The following TENM1 variants were observed in gnomAD, a reference collection of about 807,000 sequenced individuals.
The protein encoded by TENM1 is teneurin transmembrane protein 1.
A neutral mutation model predicts 174.8 loss-of-function variants in TENM1; 35 were observed. That is an observed-to-expected ratio of 0.20 (90% confidence interval 0.15 to 0.27). The LOEUF (loss-of-function observed/expected upper bound fraction) is 0.27. TENM1 is among the 10% of genes least tolerant of loss of function. The pLI is 1.00. For missense variants in TENM1, 1,633 were observed against 2,130.1 expected (o/e 0.77, Z 4.59); for synonymous variants, 781 against 798.7 (o/e 0.98, Z 0.37).
the TENM1 span, among the ~76,000 whole-genome samples, chrX:125,130,626 T>C: frequency 9.2e-6 from 1 of 108,722 alleles, no homozygotes; most frequent in Non-Finnish European, 1.9e-5. Flanking sequence ...TTTTAAAAGA[T>C]AATTTTAAAT....
chrX:124,722,250 G>C (rs1016188008), intron 4 of TENM1, among the ~76,000 whole-genome samples: 4 of 112,222 alleles, frequency 3.6e-5, no homozygotes, highest in Admixed American at 9.4e-5. Context: ...ATTGGAAATA[G>C]TCATGTTAGC....
At chrX:124,945,085 T>C (rs2058382614) in intron 1 of TENM1, among the ~76,000 whole-genome samples, 1 of 111,647 alleles carries the variant, frequency 9.0e-6, no homozygotes. Flanking sequence ...AGGGTTGTAA[T>C]TTTCAATAGC....
chrX:124,819,338 A>G lies in TENM1; in HGVS notation c.535+74958T>C, dbSNP rs934419456. ...AGGTACAAGAAATTAGTGAGTTTCT[A>G]TTGCACCTTAAAAATTCCAAAGTGA... On this transcript the variant is annotated intron_variant, in intron 3 of 31. Transcript: ENST00000422452. Among the ~76,000 whole-genome samples, 5 of 111,416 alleles carry G rather than the reference A, an allele frequency of 4.5e-5. No homozygotes were observed. The South Asian group carries it at 1.9e-3, about 43-fold the overall frequency.
intron 11 of TENM1, among the ~76,000 whole-genome samples, chrX:124,575,190 C>T (rs1457849355): frequency 8.9e-6 from 1 of 111,924 alleles, no homozygotes; most frequent in African/African-American, 3.2e-5. Context: ...CCAATCTTTA[C>T]AAGTACCTTG....
chrX:124,754,274 T>C (rs2054167277), intron 3 of TENM1, among the ~76,000 whole-genome samples: 1 of 111,666 alleles, frequency 9.0e-6, no homozygotes, highest in Non-Finnish European at 1.9e-5. Context: ...TTTATTTGCG[T>C]AGAGGTGTTT....
intron 24 of TENM1, 121 bp downstream of exon 27, chrX:124,422,151 T>A: frequency 1.1e-6 from 1 of 914,153 alleles, no homozygotes; most frequent in Non-Finnish European, 1.5e-6. Context: ...CTTTCTCCAC[T>A]AGCTCATACC....
At position 124,909,758 on chromosome X, in the gene TENM1, T is replaced by C. The variant is rs781137623; in HGVS notation, c.218-13517A>G. 5.3e-5 allele frequency among the ~76,000 whole-genome samples: 6 copies of C among 112,287 alleles called. No homozygotes were observed. In the South Asian group the frequency reaches 1.1e-3, roughly 21 times the overall value. On this transcript the variant is annotated intron_variant, in intron 1 of 31. Transcript: ENST00000422452. ...TAAAAGAAAACATTGGCCTCTCTTGTGTTTAGCTCCCTAGCACAGAGCAGC... is the reference window on the plus strand; with the variant it reads ...TAAAAGAAAACATTGGCCTCTCTTGCGTTTAGCTCCCTAGCACAGAGCAGC...
rs189487130 is a variant in TENM1 at position 124,620,025 on chromosome X, C to A, written c.2077+21766G>T. Among the ~76,000 whole-genome samples the A allele has an allele frequency of 9.4e-3, 1,057 of 112,054 alleles. 11 individuals are homozygous for A. The highest frequency in any genetic ancestry group is 0.032 in the African/African-American group (989 of 30,848). On this transcript the variant is annotated intron_variant, in intron 11 of 31. Transcript: ENST00000422452. ...GCAGATGAAAAATTGCTGTTCAAATCCTCTAAAAAGGAAATGGCATATATG... is the reference window on the plus strand; with the variant it reads ...GCAGATGAAAAATTGCTGTTCAAATACTCTAAAAAGGAAATGGCATATATG...
chrX:124,541,834 C>G (rs1396142863), intron 15 of TENM1, among the ~76,000 whole-genome samples: 2 of 112,314 alleles, frequency 1.8e-5, no homozygotes, highest in African/African-American at 3.2e-5. Flanking sequence ...TGAATCTAGG[C>G]AAGCTCTGTG....
chrX:124,835,496 T>C (rs751779020), intron 3 of TENM1, among the ~76,000 whole-genome samples: 1 of 111,956 alleles, frequency 8.9e-6, no homozygotes, highest in South Asian at 3.7e-4. Context: ...TATATATTAG[T>C]TGATATTTAT....
At chrX:124,639,966 G>A (rs1170403026) in intron 11 of TENM1, among the ~76,000 whole-genome samples, 1 of 110,047 alleles carries the variant, frequency 9.1e-6, no homozygotes, top group East Asian at 2.9e-4. Context: ...CTAAACTGTA[G>A]GATCCATTTG....
At chrX:124,569,617 T>A (rs778745099) in intron 11 of TENM1, among the ~76,000 whole-genome samples, 2 of 111,559 alleles carry the variant, frequency 1.8e-5, no homozygotes, top group South Asian at 7.5e-4. Flanking sequence ...GAATCTAAGA[T>A]CCATACATGC....
intron 22 of TENM1, among the ~76,000 whole-genome samples, chrX:124,459,863 A>G (rs1245507588): frequency 8.9e-6 from 1 of 111,827 alleles, no homozygotes; most frequent in African/African-American, 3.3e-5. Flanking sequence ...TAAGGAACTT[A>G]AACAAATTTA....
chrX:124,434,505 A>C (rs1034225409), intron 23 of TENM1, among the ~76,000 whole-genome samples: 8 of 112,040 alleles, frequency 7.1e-5, no homozygotes, highest in African/African-American at 2.6e-4. Flanking sequence ...CAGCACGTAC[A>C]CACTCTCTCT....
At chrX:124,538,214 C>T (rs1459272433) in intron 15 of TENM1, among the ~76,000 whole-genome samples, 1 of 111,713 alleles carries the variant, frequency 9.0e-6, no homozygotes, top group African/African-American at 3.3e-5. Flanking sequence ...GTCTGAAAAT[C>T]AAGAGATCCC....
the TENM1 span, among the ~76,000 whole-genome samples, chrX:125,187,848 ATATT>A: frequency 1.8e-5 from 2 of 111,939 alleles, no homozygotes; most frequent in South Asian, 7.4e-4. Context: ...ATGTTCAAAA[ATATT>A]TATTTAAATA....
intron 1 of TENM1, among the ~76,000 whole-genome samples, chrX:124,920,927 T>G (rs1472308878): frequency 9.3e-6 from 1 of 107,291 alleles, no homozygotes; most frequent in East Asian, 2.9e-4. Context: ...AAATCTGTCA[T>G]TTTTTTTTCC....
intron 18 of TENM1, among the ~76,000 whole-genome samples, chrX:124,507,496 C>T (rs756039942): frequency 1.8e-5 from 2 of 111,582 alleles, no homozygotes; most frequent in Non-Finnish European, 3.8e-5. Context: ...CCTCTGACTT[C>T]ACTGTTAGTC....
chrX:124,516,536 G>A (rs1474611747), intron 18 of TENM1, among the ~76,000 whole-genome samples: 1 of 112,030 alleles, frequency 8.9e-6, no homozygotes, highest in Admixed American at 9.4e-5. Context: ...TAAAAAGTAG[G>A]CAAAGGGCAT....
Sources: gnomAD v4.1 joint callset for allele counts (sites outside exome capture counted in the v4.1 genomes callset) on GRCh38, gnomAD v4.1.1 for gene constraint, MANE v1.5 for transcripts, NCBI Gene and HGNC (gene_info 2026-07-23, HGNC 2026-07-21) for gene names.